Variants in GOLGA8K observed in about 807,000 individuals in gnomAD.
GOLGA8K encodes golgin A8 family member K.
In GOLGA8K, 12 loss-of-function variants were observed where a neutral mutation model predicts 75.2. The observed-to-expected ratio is 0.16, with a 90% CI of 0.10 to 0.26. The LOEUF is 0.26. Ranked by LOEUF, GOLGA8K falls within the 10% of genes least tolerant of loss-of-function variation. GOLGA8K has a pLI of 1.00. For missense variants in GOLGA8K, 109 were observed against 640.8 expected (o/e 0.17, Z 8.96); for synonymous variants, 48 against 236.6 (o/e 0.20, Z 7.32).
rs563765115 is a variant in GOLGA8K at position 32,394,247 on chromosome 15, C to A, written c.1277-14G>T. ...GTTCTCCGTGTCCTGTGGGGGGTGG[C>A]CAGAGGGGTCTTCAGACAACCCAAC... is the stretch of plus-strand genomic sequence containing the variant. On this transcript the variant is annotated splice_polypyrimidine_tract_variant and intron_variant, in intron 14 of 18. Coordinates refer to ENST00000512626, the MANE Select transcript of GOLGA8K (RefSeq NM_001282493.2). The A allele has an allele frequency of 3.3e-6, 5 of 1,517,914 alleles. 1 individual carries two copies. The highest frequency in any genetic ancestry group is 3.6e-6 in the Non-Finnish European group (4 of 1,124,840). 94.0% of individuals were successfully genotyped at this position (1,517,914 alleles called of 1,614,324 possible).
Position 32,397,286 on chromosome 15 carries a change from G to A in GOLGA8K, c.703C>T (p.Gln235Ter), listed in dbSNP as rs544490934. 9 of 1,575,810 alleles carry A rather than the reference G, an allele frequency of 5.7e-6. 1 individual carries two copies. In the African/African-American group the frequency reaches 5.8e-5, roughly 10 times the overall value. The change falls in exon 10 of 19, where the codon CAA becomes TAA. Residue 235 changes from glutamine (Q) to a stop codon, truncating the protein, a stop_gained. Transcript: ENST00000512626. LOFTEE classifies it high-confidence loss of function. ...TQLKESFQQVQLERDEYSEHL... is the reference protein window; with the variant it reads ...TQLKESFQQV Reference sequence around the variant, plus strand: ...TCAGAATACTCATCTCTTTCTAATTGGACTTGTTGAAAAGACTCCTTCAAC... The same window carrying A: ...TCAGAATACTCATCTCTTTCTAATTAGACTTGTTGAAAAGACTCCTTCAAC...
intron 8 of GOLGA8K, among the ~76,000 whole-genome samples, chr15:32,398,278 CCTAGGA>C (rs1176297429): frequency 1.6e-4 from 24 of 147,050 alleles, no homozygotes; most frequent in African/African-American, 5.3e-4. Flanking sequence ...CAATACCCCA[CCTAGGA>C]CTAGGACTTG....
rs1387839380 is a variant in GOLGA8K at position 32,389,876 on chromosome 15, AT to A, written c.*2905del. Among the ~76,000 whole-genome samples the A allele has an allele frequency of 3.2e-5, 3 of 94,802 alleles. No homozygotes were observed. The highest frequency in any genetic ancestry group is 1.0e-4 in the African/African-American group (3 of 28,658). 62.2% of individuals were successfully genotyped at this position (94,802 alleles called of 152,430 possible). ...TTCAGAACATTAAGATAGCAGTTAC[AT>A]TTTTTAATAGTTATATTATTTTAAA... On this transcript the variant is annotated 3_prime_UTR_variant, in exon 19 of 19. Coordinates refer to ENST00000512626, the MANE Select transcript of GOLGA8K (RefSeq NM_001282493.2).
Position 32,389,911 on chromosome 15 carries a change from G to A in GOLGA8K, c.*2871C>T, listed in dbSNP as rs917194274. 2.9e-5 allele frequency among the ~76,000 whole-genome samples: 3 copies of A among 102,242 alleles called. No homozygotes were observed. In the East Asian group the frequency reaches 1.3e-3, roughly 45 times the overall value. 67.1% of individuals were successfully genotyped at this position (102,242 alleles called of 152,430 possible). On this transcript the variant is annotated 3_prime_UTR_variant, in exon 19 of 19. Transcript: ENST00000512626. ...AGTTATATTATTTTAAAATGACTAAGATAAAGTTTTAGAGAAACTATATTA... is the reference window on the plus strand; with the variant it reads ...AGTTATATTATTTTAAAATGACTAAAATAAAGTTTTAGAGAAACTATATTA...
At chr15:32,399,221 T>C (rs1228205415) in intron 5 of GOLGA8K, 27 bp downstream of exon 5, 1 of 391,140 alleles carries the variant, frequency 2.6e-6, no homozygotes, top group Non-Finnish European at 4.3e-6. Context: ...CCAGCAGTCA[T>C]GTTGCGAGGA....
chr15:32,394,806 C>G (rs990862891), intron 13 of GOLGA8K, 66 bp from the exon 14 acceptor site: 2 of 1,404,152 alleles, frequency 1.4e-6, no homozygotes, highest in African/African-American at 1.5e-5. Flanking sequence ...CAGCCCCATC[C>G]TCGGCAGCTC....
chr15:32,394,179 C>G lies in GOLGA8K; in HGVS notation c.1331G>C (p.Ser444Thr). 2 of 1,364,862 alleles carry G rather than the reference C, an allele frequency of 1.5e-6. No homozygotes were observed. The highest frequency in any genetic ancestry group is 9.7e-7 in the Non-Finnish European group (1 of 1,029,704). The allele number at this position is 1,364,862 out of a possible 1,614,324, so 84.5% of individuals were successfully genotyped here. The change falls in exon 15 of 19, where the codon AGT (serine) becomes ACT (threonine). Residue 444 changes from serine to threonine, a missense_variant. Physicochemically the swap from Ser to Thr is moderately conservative, Grantham distance 58. Coordinates refer to ENST00000512626, the MANE Select transcript of GOLGA8K (RefSeq NM_001282493.2). ...CCTGCTCTCCAGGTCCTCTGGGACA[C>G]TCGGCATGGGCTGAGGTGCCTCCTC... ...EGEEAPQPMP[S>T]VPEDLESREA...
chr15:32,397,621 T>A, intron 8 of GOLGA8K, 118 bp from the exon 9 acceptor site: 2 of 1,352,584 alleles, frequency 1.5e-6, no homozygotes, highest in Non-Finnish European at 2.1e-6. Flanking sequence ...GATCAAGGCA[T>A]TTCCCAGCCC....
At chr15:32,397,743 T>A (rs1278270927) in intron 8 of GOLGA8K, among the ~76,000 whole-genome samples, 3 of 152,154 alleles carry the variant, frequency 2.0e-5, no homozygotes, top group Non-Finnish European at 4.4e-5. Flanking sequence ...GCTGTTGTTA[T>A]TATTGTCATT....
In GOLGA8K at chr15:32,394,171, C is replaced by G. The variant is rs200757996; in HGVS notation, c.1339G>C (p.Glu447Gln). Residue 447 changes from glutamate (E) to glutamine (Q), a missense_variant, in exon 15 of 19, where the codon GAG (glutamate) becomes CAG (glutamine). Physicochemically the swap from Glu to Gln is conservative, Grantham distance 29. Coordinates refer to ENST00000512626, the MANE Select transcript of GOLGA8K (RefSeq NM_001282493.2). Reference sequence around the variant, plus strand: ...ATGGCCTCCCTGCTCTCCAGGTCCTCTGGGACACTCGGCATGGGCTGAGGT... The same window carrying G: ...ATGGCCTCCCTGCTCTCCAGGTCCTGTGGGACACTCGGCATGGGCTGAGGT... ...EAPQPMPSVP[E>Q]DLESREAMSS... 0.019 allele frequency: 24,599 copies of G among 1,293,036 alleles called. 2,543 individuals are homozygous for G. The highest frequency in any genetic ancestry group is 0.021 in the Non-Finnish European group (20,416 of 971,102). 80.1% of individuals were successfully genotyped at this position (1,293,036 alleles called of 1,614,324 possible). A position where few individuals can be genotyped will look rare whatever the true frequency, so the allele number is the denominator to read the frequency against.
intron 13 of GOLGA8K, among the ~76,000 whole-genome samples, chr15:32,395,003 T>C (rs1566974705): frequency 6.7e-6 from 1 of 149,930 alleles, no homozygotes. Context: ...GGTAATGGTC[T>C]GGCTGCTGCT....
In GOLGA8K at chr15:32,394,720, G is replaced by T. The variant is rs1419847125; in HGVS notation, c.1221C>A (p.Ser407Arg). 3 of 1,548,404 alleles carry T rather than the reference G, an allele frequency of 1.9e-6. No homozygotes were observed. The Admixed American group carries it at 5.3e-5, about 27-fold the overall frequency. Residue 407 changes from serine to arginine, a missense_variant, in exon 14 of 19, where the codon AGC becomes AGA. Ser to Arg is a moderately radical substitution (Grantham distance 110, BLOSUM62 -1). Coordinates refer to ENST00000512626, the MANE Select transcript of GOLGA8K (RefSeq NM_001282493.2). ...KLGEEHLEAA[S>R]QQNQQLTAQL... is the part of the protein sequence containing the mutation. The stretch of plus-strand genomic sequence containing the variant: ...GGGCCGTTAGCTGCTGGTTCTGCTG[G>T]CTGGCCGCTTCCAGGTGCTCCTGAG...
At position 32,397,292 on chromosome 15, in the gene GOLGA8K, G is replaced by T; in HGVS notation, c.697C>A (p.Gln233Lys). Residue 233 changes from glutamine to lysine, a missense_variant, in exon 10 of 19, where the codon CAA becomes AAA. Gln to Lys is a moderately conservative substitution (Grantham distance 53, BLOSUM62 1). Transcript: ENST00000512626. The stretch of plus-strand genomic sequence containing the variant: ...TACTCATCTCTTTCTAATTGGACTT[G>T]TTGAAAAGACTCCTTCAACTGCAAG... ...QLTQLKESFQ[Q>K]VQLERDEYSE... The T allele has an allele frequency of 6.3e-7, 1 of 1,576,836 alleles. No homozygotes were observed. The highest frequency in any genetic ancestry group is 8.7e-7 in the Non-Finnish European group (1 of 1,155,982).
chr15:32,395,577 G>C (rs1484622877), intron 13 of GOLGA8K, among the ~76,000 whole-genome samples: 3 of 146,750 alleles, frequency 2.0e-5, no homozygotes, highest in South Asian at 2.2e-4. Flanking sequence ...TTTTAGTAGA[G>C]ATGAGGTTTT....
chr15:32,394,974 T>G (rs1465620400), intron 13 of GOLGA8K, among the ~76,000 whole-genome samples: 1 of 149,946 alleles, frequency 6.7e-6, no homozygotes, highest in Non-Finnish European at 1.5e-5. Context: ...GGTGGCCACG[T>G]ACTGCTGCAG....
rs1338298134 is a variant in GOLGA8K, at chr15:32,391,489, A to G, written c.*1293T>C. Among the ~76,000 whole-genome samples the G allele has an allele frequency of 2.4e-5, 3 of 123,032 alleles. No homozygotes were observed. The highest frequency in any genetic ancestry group is 5.5e-5 in the Non-Finnish European group (3 of 54,538). The allele number at this position is 123,032 out of a possible 152,430, so 80.7% of individuals were successfully genotyped here. On this transcript the variant is annotated 3_prime_UTR_variant, in exon 19 of 19. Coordinates refer to ENST00000512626, the MANE Select transcript of GOLGA8K (RefSeq NM_001282493.2). ...AAACTCCTTTTTGTTTCAACTAAGT[A>G]TCTCACATATATTAGTTTATAATAA...
chr15:32,394,235 T>G lies in GOLGA8K; in HGVS notation c.1277-2A>C. The G allele has an allele frequency of 1.3e-6, 2 of 1,530,496 alleles. No individual in the cohort carries two copies. The highest frequency in any genetic ancestry group is 1.8e-6 in the Non-Finnish European group (2 of 1,134,372). The allele number at this position is 1,530,496 out of a possible 1,614,324, so 94.8% of individuals were successfully genotyped here. ...CACTGTCCAGATGTTCTCCGTGTCC[T>G]GTGGGGGGTGGCCAGAGGGGTCTTC... On this transcript the variant is annotated splice_acceptor_variant, in intron 14 of 18. Coordinates refer to ENST00000512626, the MANE Select transcript of GOLGA8K (RefSeq NM_001282493.2). LOFTEE classifies it high-confidence loss of function.
In GOLGA8K at chr15:32,392,647, T is replaced by G; in HGVS notation, c.*135A>C. The G allele has an allele frequency of 4.3e-6, 2 of 469,258 alleles. No individual in the cohort carries two copies. Among genetic ancestry groups the G allele is most frequent in the East Asian group, 9.6e-5 (2 of 20,942 alleles). 29.1% of individuals were successfully genotyped at this position (469,258 alleles called of 1,614,324 possible). ...TAACTTTTTACAAATAAACTTAAAC[T>G]ATAAATTAGAAACACAAATAATCAT... is the stretch of plus-strand genomic sequence containing the variant. On this transcript the variant is annotated 3_prime_UTR_variant, in exon 19 of 19. Coordinates refer to ENST00000512626, the MANE Select transcript of GOLGA8K (RefSeq NM_001282493.2).
At chr15:32,395,833 C>G (rs1048229146) in intron 13 of GOLGA8K, 130 bp downstream of exon 13, 18 of 1,494,440 alleles carry the variant, frequency 1.2e-5, no homozygotes, top group African/African-American at 8.4e-5. Context: ...AACAGGACTG[C>G]CCTGGGGGGT....
Sources: allele counts gnomAD v4.1 joint callset (sites outside exome capture counted in the v4.1 genomes callset), GRCh38; gene constraint gnomAD v4.1.1; transcripts MANE v1.5; gene names NCBI Gene and HGNC (gene_info 2026-07-23, HGNC 2026-07-21).